The following TTC28 variants were observed in gnomAD, a reference collection of about 807,000 sequenced individuals.
The protein encoded by TTC28 is tetratricopeptide repeat domain 28, also known as tetratricopeptide repeat protein 28.
TTC28 carries 61 observed loss-of-function variants against 198.0 expected under a neutral mutation model. The ratio of observed to expected loss-of-function variants is 0.31; its 90% CI spans 0.25 to 0.38. The LOEUF (loss-of-function observed/expected upper bound fraction) is 0.38. Ranked by LOEUF, TTC28 falls within the 10% of genes least tolerant of loss-of-function variation. The pLI is 1.00. For synonymous variants in TTC28, 1,171 were observed against 1,297.8 expected (o/e 0.90, Z 2.10); for missense variants, 2,678 against 3,164.0 (o/e 0.85, Z 3.69).
chr22:28,210,188 C>T (rs1324966903), intron 5 of TTC28, among the ~76,000 whole-genome samples: 1 of 152,180 alleles, frequency 6.6e-6, no homozygotes, highest in Non-Finnish European at 1.5e-5. Context: ...GATGCGGAGA[C>T]ACCAGAGCAG....
intron 2 of TTC28, among the ~76,000 whole-genome samples, chr22:28,334,886 T>C (rs777481678): frequency 6.6e-6 from 1 of 152,192 alleles, no homozygotes; most frequent in Non-Finnish European, 1.5e-5. Context: ...ATTTTGGCTT[T>C]TGTTGCCATT....
chr22:28,612,868 T>C lies in TTC28; in HGVS notation c.381+16684A>G, dbSNP rs5762720. Among the ~76,000 whole-genome samples the C allele has an allele frequency of 1.4e-4, 21 of 152,078 alleles. No individual in the cohort carries two copies. The East Asian group carries it at 4.1e-3, about 29-fold the overall frequency. On this transcript the variant is annotated intron_variant, in intron 2 of 22. Coordinates refer to ENST00000397906, the MANE Select transcript of TTC28 (RefSeq NM_001145418.2). ...AGAAATTTATAGCACTAAATGCCCA[T>C]GAGAAAAAGCAAAAAATATCTAAAA...
At chr22:28,261,997 C>T (rs1457070627) in intron 5 of TTC28, among the ~76,000 whole-genome samples, 2 of 152,132 alleles carry the variant, frequency 1.3e-5, no homozygotes, top group Admixed American at 1.3e-4. Flanking sequence ...ACTAAACTGA[C>T]ATTATACAGG....
intron 2 of TTC28, among the ~76,000 whole-genome samples, chr22:28,489,203 G>A (rs145599364): frequency 1.3e-5 from 2 of 152,098 alleles, no homozygotes; most frequent in African/African-American, 4.8e-5. Context: ...AGGATCACTT[G>A]AGCCCAGGAA....
chr22:28,631,778 G>T (rs1034432084), intron 1 of TTC28, among the ~76,000 whole-genome samples: 7 of 151,998 alleles, frequency 4.6e-5, no homozygotes, highest in African/African-American at 1.2e-4. Flanking sequence ...CTCCCGCCTT[G>T]GCTTCCCAAA....
At chr22:28,646,710 C>T (rs1175751926) in intron 1 of TTC28, among the ~76,000 whole-genome samples, 1 of 152,090 alleles carries the variant, frequency 6.6e-6, no homozygotes, top group East Asian at 1.9e-4. Flanking sequence ...ACTAAAAATA[C>T]AAAAATTAGC....
intron 5 of TTC28, among the ~76,000 whole-genome samples, chr22:28,197,551 T>C (rs1437181492): frequency 1.3e-5 from 2 of 152,064 alleles, no homozygotes; most frequent in Non-Finnish European, 1.5e-5. Flanking sequence ...GAAGGACTTT[T>C]AAAGCCTAAA....
intron 1 of TTC28, among the ~76,000 whole-genome samples, chr22:28,652,076 GT>G (rs1313951485): frequency 6.6e-6 from 1 of 151,942 alleles, no homozygotes; most frequent in Non-Finnish European, 1.5e-5. Flanking sequence ...CTGACCTCAG[GT>G]GATCCGCCCA....
At chr22:28,229,419 T>C (rs192377529) in intron 5 of TTC28, among the ~76,000 whole-genome samples, 51 of 152,290 alleles carry the variant, frequency 3.3e-4, no homozygotes, top group Admixed American at 2.9e-3. Context: ...CTATCAACCA[T>C]TGCCAGCAAA....
At chr22:28,079,120 G>A (rs117725166) in intron 12 of TTC28, among the ~76,000 whole-genome samples, 13 of 152,314 alleles carry the variant, frequency 8.5e-5, no homozygotes, top group Non-Finnish European at 1.9e-4. Context: ...AGACACTTAA[G>A]TGTGTTTGGG....
intron 6 of TTC28, among the ~76,000 whole-genome samples, chr22:28,142,316 T>C (rs549578994): frequency 3.9e-4 from 60 of 152,232 alleles, no homozygotes; most frequent in African/African-American, 1.3e-3. Flanking sequence ...AATAGAGGAG[T>C]AACCATGTCT....
At chr22:28,090,001 T>G (rs886200594) in intron 12 of TTC28, among the ~76,000 whole-genome samples, 2 of 151,712 alleles carry the variant, frequency 1.3e-5, no homozygotes, top group Admixed American at 6.6e-5. Flanking sequence ...CATTAGGAGA[T>G]ATACCTAATG....
chr22:28,539,240 C>G (rs889251899), intron 2 of TTC28, among the ~76,000 whole-genome samples: 1 of 152,094 alleles, frequency 6.6e-6, no homozygotes, highest in African/African-American at 2.4e-5. Flanking sequence ...CGGGGGCTGA[C>G]AGGCTGGGGG....
chr22:28,522,619 C>A (rs1359586329), intron 2 of TTC28, among the ~76,000 whole-genome samples: 2 of 151,302 alleles, frequency 1.3e-5, no homozygotes, highest in Non-Finnish European at 2.9e-5. Context: ...ATGGGTTTAA[C>A]AACAGATTAG....
intron 2 of TTC28, among the ~76,000 whole-genome samples, chr22:28,505,801 C>T (rs1226156577): frequency 6.6e-6 from 1 of 152,228 alleles, no homozygotes; most frequent in African/African-American, 2.4e-5. Flanking sequence ...CCCACTTCCA[C>T]GGCACGTCAC....
chr22:28,535,937 A>C (rs1167806603), intron 2 of TTC28, among the ~76,000 whole-genome samples: 4 of 152,086 alleles, frequency 2.6e-5, no homozygotes, highest in Admixed American at 1.3e-4. Context: ...TAGGCCAGGC[A>C]CGGTGGCTCA....
chr22:28,475,201 TA>T (rs1483193283), intron 2 of TTC28, among the ~76,000 whole-genome samples: 1 of 142,338 alleles, frequency 7.0e-6, no homozygotes, highest in Admixed American at 6.9e-5. Context: ...GAAAGATTAA[TA>T]AAAACAAGTA....
chr22:28,676,416 T>A (rs2051990773), intron 1 of TTC28, among the ~76,000 whole-genome samples: 2 of 152,176 alleles, frequency 1.3e-5, no homozygotes, highest in Non-Finnish European at 2.9e-5. Flanking sequence ...GAAAATGGTC[T>A]GAAAGTATCT....
chr22:28,322,233 T>C (rs1005275862), intron 2 of TTC28, among the ~76,000 whole-genome samples: 17 of 152,182 alleles, frequency 1.1e-4, no homozygotes, highest in Non-Finnish European at 4.4e-5. Flanking sequence ...GCACCTGTTC[T>C]TTCTTTTCCA....
Sources: gnomAD v4.1 joint callset for allele counts (sites outside exome capture counted in the v4.1 genomes callset) on GRCh38, gnomAD v4.1.1 for gene constraint, MANE v1.5 for transcripts, NCBI Gene and HGNC (gene_info 2026-07-23, HGNC 2026-07-21) for gene names.